The following SEPTIN7 variants were observed in gnomAD, a reference collection of about 807,000 sequenced individuals.
SEPTIN7 encodes septin-7.
Under a neutral mutation model 63.3 loss-of-function variants are expected in SEPTIN7, and 10 were observed. The observed-to-expected ratio is 0.16, with a 90% CI of 0.10 to 0.27. SEPTIN7 has a LOEUF of 0.27. Among genes scored for constraint, SEPTIN7 ranks in the 10% least tolerant of loss-of-function variants. The probability of loss-of-function intolerance (pLI) is 1.00; values close to 1 mark genes in which losing one functional copy is unlikely to be tolerated. For synonymous variants in SEPTIN7, 131 were observed against 165.3 expected (o/e 0.79, Z 1.59); for missense variants, 310 against 521.0 (o/e 0.59, Z 3.94).
chr7:35,863,785 G>A (rs1785648041), intron 4 of SEPTIN7, 127 bp downstream of exon 4: 1 of 487,416 alleles, frequency 2.1e-6, no homozygotes, highest in East Asian at 3.4e-5. Context: ...GTGTATGATG[G>A]TAAATATGAC....
At position 35,901,897 on chromosome 7, in the gene SEPTIN7, C is replaced by T. The variant is rs376396588; in HGVS notation, c.1135-1179C>T. 2.6e-5 allele frequency: 4 copies of T among 152,144 alleles called. No individual in the cohort carries two copies. The East Asian group carries it at 7.7e-4, about 29-fold the overall frequency. 9.4% of individuals were successfully genotyped at this position (152,144 alleles called of 1,614,324 possible). ...TGCTGTCATCAGGAAGATATCACCT[C>T]AGATTTGATTCATGTTTGCTTAAGT... On this transcript the variant is annotated intron_variant, in intron 12 of 13. Coordinates refer to ENST00000350320, the MANE Select transcript of SEPTIN7 (RefSeq NM_001788.6).
At chr7:35,913,204 G>A in the SEPTIN7 span, among the ~76,000 whole-genome samples, 1 of 152,128 alleles carries the variant, frequency 6.6e-6, no homozygotes, top group East Asian at 1.9e-4. Flanking sequence ...TCTCTCCTTT[G>A]CTCCTCGTAT....
intron 10 of SEPTIN7, chr7:35,888,777 A>T (rs995369379): frequency 1.5e-5 from 4 of 268,796 alleles, no homozygotes; most frequent in Non-Finnish European, 2.9e-5. Context: ...CTGAGATCGT[A>T]CCACTGCATT....
chr7:35,873,550 C>T (rs1385028847), intron 5 of SEPTIN7, 91 bp from the exon 6 acceptor site: 16 of 1,249,116 alleles, frequency 1.3e-5, no homozygotes, highest in East Asian at 2.7e-5. Context: ...TTCATTTTGC[C>T]CATTTGAAAA....
At chr7:35,837,309 A>C (rs1195884746) in intron 3 of SEPTIN7, among the ~76,000 whole-genome samples, 1 of 152,128 alleles carries the variant, frequency 6.6e-6, no homozygotes, top group East Asian at 1.9e-4. Flanking sequence ...TGTGTAGTTA[A>C]ATTGTGATTA....
Position 35,840,485 on chromosome 7 carries a change from C to T in SEPTIN7, c.169+7585C>T, listed in dbSNP as rs868395450. 1.5e-4 allele frequency among the ~76,000 whole-genome samples: 22 copies of T among 151,550 alleles called. No homozygotes were observed. In the South Asian group the frequency reaches 1.7e-3, roughly 12 times the overall value. On this transcript the variant is annotated intron_variant, in intron 3 of 13. Coordinates refer to ENST00000350320, the MANE Select transcript of SEPTIN7 (RefSeq NM_001788.6). ...TAGAGATGGGGTCTCACTGTGTTGCCCAGGCTAACCTTGAACTCCTGGCCT... is the reference window on the plus strand; with the variant it reads ...TAGAGATGGGGTCTCACTGTGTTGCTCAGGCTAACCTTGAACTCCTGGCCT...
chr7:35,894,667 AT>A (rs1307442047), intron 11 of SEPTIN7, among the ~76,000 whole-genome samples: 1 of 152,208 alleles, frequency 6.6e-6, no homozygotes, highest in Admixed American at 6.5e-5. Flanking sequence ...AGAAATTTTT[AT>A]TGAACTTTGA....
At chr7:35,828,533 C>T (rs1159615750) in intron 1 of SEPTIN7, among the ~76,000 whole-genome samples, 2 of 152,140 alleles carry the variant, frequency 1.3e-5, no homozygotes, top group Non-Finnish European at 2.9e-5. Context: ...CACATGCCAC[C>T]AAGTCCGGCC....
intron 1 of SEPTIN7, among the ~76,000 whole-genome samples, chr7:35,804,821 G>A (rs1373675992): frequency 2.7e-5 from 4 of 147,372 alleles, no homozygotes; most frequent in South Asian, 4.3e-4. Context: ...AATGGTAAGC[G>A]TGTTTCTTTT....
intron 4 of SEPTIN7, among the ~76,000 whole-genome samples, chr7:35,865,007 A>G (rs1307106932): frequency 6.6e-6 from 1 of 151,558 alleles, no homozygotes; most frequent in Non-Finnish European, 1.5e-5. Flanking sequence ...CTCCTTCTCA[A>G]TGTTTCTATT....
intron 4 of SEPTIN7, among the ~76,000 whole-genome samples, chr7:35,867,725 C>T (rs1344777001): frequency 2.0e-5 from 3 of 152,186 alleles, no homozygotes. Context: ...AAGAAATTAT[C>T]CTTTCTTCTG....
At chr7:35,833,979 T>C (rs139593191) in intron 3 of SEPTIN7, among the ~76,000 whole-genome samples, 76 of 152,140 alleles carry the variant, frequency 5.0e-4, no homozygotes, top group African/African-American at 1.4e-3. Flanking sequence ...TTTGATACTT[T>C]ATAGCATTGG....
intron 3 of SEPTIN7, chr7:35,838,768 A>G (rs940540783): frequency 2.0e-5 from 3 of 152,174 alleles, no homozygotes; most frequent in African/African-American, 7.2e-5. Context: ...ATAAAGACTA[A>G]ATGACTAATT....
chr7:35,853,480 G>A (rs1023574969), intron 3 of SEPTIN7, among the ~76,000 whole-genome samples: 51 of 152,246 alleles, frequency 3.3e-4, no homozygotes, highest in African/African-American at 1.0e-3. Context: ...TGTTCCTTTC[G>A]CCTGCTCAGA....
intron 3 of SEPTIN7, among the ~76,000 whole-genome samples, chr7:35,840,392 G>C (rs990424433): frequency 2.0e-5 from 3 of 150,232 alleles, no homozygotes; most frequent in African/African-American, 7.4e-5. Context: ...CCAAGTACCT[G>C]GGACTACAGG....
intron 11 of SEPTIN7, among the ~76,000 whole-genome samples, 193 bp from the exon 12 acceptor site, chr7:35,898,055 G>A (rs1021595303): frequency 6.6e-6 from 1 of 151,954 alleles, no homozygotes; most frequent in African/African-American, 2.4e-5. Context: ...TAGGTTTAGA[G>A]AACATCTTTG....
At chr7:35,859,086 G>A (rs750575652) in intron 3 of SEPTIN7, among the ~76,000 whole-genome samples, 19 of 151,692 alleles carry the variant, frequency 1.3e-4, no homozygotes, top group Non-Finnish European at 2.4e-4. Flanking sequence ...AGTTCCTTAT[G>A]GTGTAAACAT....
At chr7:35,888,291 T>C (rs1179692714) in intron 10 of SEPTIN7, among the ~76,000 whole-genome samples, 1 of 152,192 alleles carries the variant, frequency 6.6e-6, no homozygotes, top group African/African-American at 2.4e-5. Flanking sequence ...ATAAAGACTT[T>C]CATAACCTGA....
intron 3 of SEPTIN7, among the ~76,000 whole-genome samples, chr7:35,834,890 CAG>C (rs1255347127): frequency 6.6e-6 from 1 of 152,150 alleles, no homozygotes; most frequent in Non-Finnish European, 1.5e-5. Flanking sequence ...GATCTAAACT[CAG>C]AATAAATTTG....
Sources: allele counts gnomAD v4.1 joint callset (sites outside exome capture counted in the v4.1 genomes callset), GRCh38; gene constraint gnomAD v4.1.1; transcripts MANE v1.5; gene names NCBI Gene and HGNC (gene_info 2026-07-23, HGNC 2026-07-21).